Variants in SOX5 observed in about 807,000 individuals in gnomAD.
The protein encoded by SOX5 is SRY-box transcription factor 5.
Under a neutral mutation model 92.0 loss-of-function variants are expected in SOX5, and 9 were observed. The observed-to-expected ratio is 0.10, with a 90% CI of 0.06 to 0.17. The LOEUF (loss-of-function observed/expected upper bound fraction) is 0.17. Ranked by LOEUF, SOX5 falls within the 10% of genes least tolerant of loss-of-function variation. The probability of loss-of-function intolerance (pLI) is 1.00; values close to 1 mark genes in which losing one functional copy is unlikely to be tolerated. For synonymous variants in SOX5, 344 were observed against 336.3 expected (o/e 1.02, Z -0.25); for missense variants, 642 against 944.5 (o/e 0.68, Z 4.20).
chr12:24,060,148 G>A (rs1461918686), intron 4 of SOX5, among the ~76,000 whole-genome samples: 2 of 152,178 alleles, frequency 1.3e-5, no homozygotes, highest in Non-Finnish European at 2.9e-5. Context: ...ATAAATGACA[G>A]CATTTATTGA....
At chr12:24,432,931 G>A (rs757663880) in intron 1 of SOX5, among the ~76,000 whole-genome samples, 2 of 152,124 alleles carry the variant, frequency 1.3e-5, no homozygotes, top group Non-Finnish European at 2.9e-5. Context: ...AGTTTAGAAA[G>A]TCTAGATGCA....
intron 1 of SOX5, among the ~76,000 whole-genome samples, chr12:24,450,782 A>G (rs140446811): frequency 6.6e-6 from 1 of 152,264 alleles, no homozygotes; most frequent in Non-Finnish European, 1.5e-5. Context: ...TGAGCCACCC[A>G]TGCCCAGCCA....
At chr12:24,039,980 A>G (rs1412453544) in intron 4 of SOX5, among the ~76,000 whole-genome samples, 4 of 152,168 alleles carry the variant, frequency 2.6e-5, no homozygotes, top group Non-Finnish European at 5.9e-5. Flanking sequence ...CCAGGTATAC[A>G]TATTTTTCTA....
intron 8 of SOX5, among the ~76,000 whole-genome samples, chr12:23,621,459 T>C (rs1165038948): frequency 1.3e-5 from 2 of 152,126 alleles, no homozygotes; most frequent in East Asian, 1.9e-4. Flanking sequence ...ATGTTATTTA[T>C]ATTTTACAAT....
At position 24,224,206 on chromosome 12, in the gene SOX5, T is replaced by TCAGTTGTGCCGCTTC. The variant is rs549583834; in HGVS notation, c.-76-10804_-76-10790dup. 2.0e-3 allele frequency among the ~76,000 whole-genome samples: 310 copies of TCAGTTGTGCCGCTTC among 152,334 alleles called. 1 individual carries two copies. The highest frequency in any genetic ancestry group is 7.3e-3 in the African/African-American group (302 of 41,576). On this transcript the variant is annotated intron_variant, in intron 3 of 4. Coordinates refer to the SOX5 transcript ENST00000446891. ...TCATCTAATGAGGGACAAGGCTGCT[T>TCAGTTGTGCCGCTTC]CAGTTGTGCCGCTTCACTCAATTAG...
chr12:24,112,565 C>T (rs1947495752), intron 4 of SOX5, among the ~76,000 whole-genome samples: 1 of 124,292 alleles, frequency 8.0e-6, no homozygotes, highest in Non-Finnish European at 1.6e-5. Flanking sequence ...GGATCTCGCT[C>T]TGTTGTCCAG....
intron 8 of SOX5, among the ~76,000 whole-genome samples, chr12:23,617,008 C>T (rs2076635216): frequency 6.6e-6 from 1 of 151,508 alleles, no homozygotes; most frequent in Admixed American, 6.6e-5. Flanking sequence ...ATGTGCAGTC[C>T]TAGTTACTTA....
chr12:24,048,241 A>T (rs1351474786), intron 4 of SOX5, among the ~76,000 whole-genome samples: 1 of 152,234 alleles, frequency 6.6e-6, no homozygotes, highest in Non-Finnish European at 1.5e-5. Context: ...ATTAAGTAAC[A>T]GGCCCAAGAT....
At chr12:23,677,841 G>A (rs75434083) in intron 6 of SOX5, among the ~76,000 whole-genome samples, 116 of 150,554 alleles carry the variant, frequency 7.7e-4, no homozygotes, top group African/African-American at 2.7e-3. Context: ...GGTAAGAAGC[G>A]TTCCCGCAAA....
chr12:23,768,899 C>T (rs887542670), intron 3 of SOX5, among the ~76,000 whole-genome samples: 4 of 152,028 alleles, frequency 2.6e-5, no homozygotes, highest in Non-Finnish European at 2.9e-5. Flanking sequence ...AACAAAAACG[C>T]TATTGTTCCC....
intron 2 of SOX5, among the ~76,000 whole-genome samples, chr12:24,325,845 A>G (rs890018007): frequency 2.0e-5 from 3 of 152,168 alleles, no homozygotes; most frequent in Non-Finnish European, 4.4e-5. Flanking sequence ...TAAGTAAGAG[A>G]GCACTTTAGG....
chr12:24,146,148 A>G (rs967290924), intron 4 of SOX5, among the ~76,000 whole-genome samples: 1 of 152,200 alleles, frequency 6.6e-6, no homozygotes, highest in Non-Finnish European at 1.5e-5. Context: ...ACTAACTGGC[A>G]TTGGTAGAAC....
intron 3 of SOX5, among the ~76,000 whole-genome samples, chr12:23,781,074 T>C (rs150414458): frequency 1.1e-3 from 172 of 152,182 alleles, no homozygotes; most frequent in African/African-American, 4.0e-3. Flanking sequence ...ATATTGCCCA[T>C]GTAATTCCCT....
intron 6 of SOX5, among the ~76,000 whole-genome samples, chr12:23,667,208 A>G (rs1398231115): frequency 6.6e-6 from 1 of 152,184 alleles, no homozygotes; most frequent in Non-Finnish European, 1.5e-5. Context: ...ATTACAAAGC[A>G]TTATATAGGG....
chr12:23,816,824 G>A (rs1262135455), intron 3 of SOX5, among the ~76,000 whole-genome samples: 1 of 152,038 alleles, frequency 6.6e-6, no homozygotes, highest in Admixed American at 6.6e-5. Context: ...CAGGTCTCTG[G>A]GAGACCCAAT....
chr12:23,818,479 C>T (rs2096043013), intron 3 of SOX5, among the ~76,000 whole-genome samples: 1 of 152,098 alleles, frequency 6.6e-6, no homozygotes, highest in Admixed American at 6.6e-5. Flanking sequence ...CTAGAAGTTG[C>T]TCTGGGTGAG....
At chr12:23,661,280 C>G (rs1156810503) in intron 7 of SOX5, among the ~76,000 whole-genome samples, 1 of 152,088 alleles carries the variant, frequency 6.6e-6, no homozygotes, top group Non-Finnish European at 1.5e-5. Flanking sequence ...AAGACAGGGG[C>G]AGAGGACTGC....
chr12:23,915,940 G>T (rs1595615620), intron 1 of SOX5, among the ~76,000 whole-genome samples: 1 of 152,156 alleles, frequency 6.6e-6, no homozygotes, highest in Non-Finnish European at 1.5e-5. Context: ...CACTGAACTT[G>T]CTGCACTAGC....
chr12:24,086,896 G>T (rs533724747), intron 4 of SOX5, among the ~76,000 whole-genome samples: 1 of 152,088 alleles, frequency 6.6e-6, no homozygotes, highest in South Asian at 2.1e-4. Context: ...TCATTTACTC[G>T]AATAATCTTT....
Sources: allele counts gnomAD v4.1 joint callset (sites outside exome capture counted in the v4.1 genomes callset), GRCh38; gene constraint gnomAD v4.1.1; transcripts MANE v1.5; gene names NCBI Gene and HGNC (gene_info 2026-07-23, HGNC 2026-07-21).